Variants in PTPRD observed in about 807,000 individuals in gnomAD.
PTPRD encodes receptor-type tyrosine-protein phosphatase delta.
A neutral mutation model predicts 214.5 loss-of-function variants in PTPRD; 34 were observed. That is an observed-to-expected ratio of 0.16 (90% CI 0.12 to 0.21). PTPRD has a LOEUF of 0.21. Among genes scored for constraint, PTPRD ranks in the 10% least tolerant of loss-of-function variants. The pLI, the probability that PTPRD is intolerant of heterozygous loss-of-function variation, is 1.00. For missense variants in PTPRD, 2,545 were observed against 2,398.7 expected (o/e 1.06, Z -1.27); for synonymous variants, 1,128 against 845.7 (o/e 1.33, Z -5.79).
At chr9:9,117,452 C>G (rs759608375) in intron 10 of PTPRD, among the ~76,000 whole-genome samples, 7 of 152,026 alleles carry the variant, frequency 4.6e-5, no homozygotes, top group Non-Finnish European at 7.4e-5. Flanking sequence ...TGGTGATACC[C>G]CACAAGACAC....
intron 9 of PTPRD, among the ~76,000 whole-genome samples, chr9:9,257,156 G>GT (rs993744963): frequency 1.3e-5 from 2 of 151,916 alleles, no homozygotes; most frequent in African/African-American, 2.4e-5. Flanking sequence ...CTCCTCTTTT[G>GT]TGGGGGGTAG....
At chr9:10,568,480 C>A (rs181687433) in intron 2 of PTPRD, among the ~76,000 whole-genome samples, 2 of 152,020 alleles carry the variant, frequency 1.3e-5, no homozygotes, top group Admixed American at 6.6e-5. Context: ...GGGTATATAC[C>A]CAGTAATGGG....
intron 34 of PTPRD, among the ~76,000 whole-genome samples, chr9:8,449,023 T>C (rs906989130): frequency 1.1e-4 from 17 of 152,322 alleles, no homozygotes; most frequent in African/African-American, 4.1e-4. Flanking sequence ...ATGCTTTAGT[T>C]GAAAAAGTCA....
intron 11 of PTPRD, among the ~76,000 whole-genome samples, chr9:8,812,949 G>A (rs1490281209): frequency 2.0e-5 from 3 of 151,998 alleles, no homozygotes; most frequent in African/African-American, 7.2e-5. Flanking sequence ...ATCAAGGGAA[G>A]AAGCAAGACA....
chr9:8,422,209 T>A (rs919872082), intron 35 of PTPRD, among the ~76,000 whole-genome samples: 18 of 80,142 alleles, frequency 2.2e-4, no homozygotes, highest in African/African-American at 7.4e-4. Flanking sequence ...ATTGCAATAA[T>A]AAAATGATGA....
chr9:9,486,150 C>CAAAAAAAAAAAAAAAAAAAAAA (rs71319226), intron 8 of PTPRD, among the ~76,000 whole-genome samples: 1 of 30,164 alleles, frequency 3.3e-5, no homozygotes, highest in Non-Finnish European at 5.3e-5. Flanking sequence ...GACTCTCTCT[C>CAAAAAAAAAAAAAAAAAAAAAA]AAAAAAAAAA....
rs373755531 is a variant in PTPRD, at chr9:8,331,681, C to G, written c.5435G>C (p.Gly1812Ala). 14 of 1,613,402 alleles carry G rather than the reference C, an allele frequency of 8.7e-6. No individual in the cohort carries two copies. The highest frequency in any genetic ancestry group is 1.0e-5 in the Non-Finnish European group (12 of 1,179,836). ...QFQFTDWPEQ[G>A]VPKSGEGFID... ...AAATCCTTCTCCGGACTTTGGCACT[C>G]CTTGCTCTGGCCAGTCAGTGAACTG... Residue 1812 changes from glycine to alanine, a missense_variant, in exon 44 of 46, where the codon GGA becomes GCA. By Grantham distance (60) the Gly-to-Ala change is moderately conservative (BLOSUM62 0). Transcript: ENST00000381196.
At chr9:8,583,757 T>C (rs1462354814) in intron 14 of PTPRD, among the ~76,000 whole-genome samples, 2 of 152,208 alleles carry the variant, frequency 1.3e-5, no homozygotes, top group Non-Finnish European at 2.9e-5. Flanking sequence ...TCAACTGCAA[T>C]GTTTCATGTC....
intron 7 of PTPRD, among the ~76,000 whole-genome samples, chr9:9,605,931 A>T (rs1056840569): frequency 1.3e-5 from 2 of 152,054 alleles, no homozygotes; most frequent in Non-Finnish European, 2.9e-5. Flanking sequence ...CTGCTGCTTG[A>T]CTATTTTGCA....
chr9:9,318,475 C>T (rs1964612996), intron 9 of PTPRD, among the ~76,000 whole-genome samples: 1 of 152,014 alleles, frequency 6.6e-6, no homozygotes, highest in Non-Finnish European at 1.5e-5. Flanking sequence ...GTTTCTTCTT[C>T]TCACCTCCAA....
chr9:9,099,223 G>A (rs1476715041), intron 10 of PTPRD, among the ~76,000 whole-genome samples: 1 of 152,166 alleles, frequency 6.6e-6, no homozygotes, highest in African/African-American at 2.4e-5. Context: ...AGCAATCCAC[G>A]TAGATTAAAA....
At chr9:8,499,230 G>A (rs2097343235) in intron 25 of PTPRD, among the ~76,000 whole-genome samples, 2 of 152,158 alleles carry the variant, frequency 1.3e-5, no homozygotes, top group African/African-American at 4.8e-5. Context: ...TTCAGTGGAA[G>A]AAGACACACA....
intron 4 of PTPRD, among the ~76,000 whole-genome samples, chr9:9,977,004 T>A (rs1329084967): frequency 2.0e-5 from 3 of 152,220 alleles, no homozygotes; most frequent in Non-Finnish European, 4.4e-5. Flanking sequence ...TTTTTGCAGA[T>A]ATATTTTAAC....
intron 3 of PTPRD, among the ~76,000 whole-genome samples, chr9:10,075,817 G>C (rs1026974783): frequency 6.6e-6 from 1 of 151,874 alleles, no homozygotes; most frequent in Non-Finnish European, 1.5e-5. Flanking sequence ...AAATAACCAA[G>C]GGCTGAGGTT....
At chr9:8,797,499 C>A (rs995676072) in intron 11 of PTPRD, among the ~76,000 whole-genome samples, 2 of 152,174 alleles carry the variant, frequency 1.3e-5, no homozygotes, top group African/African-American at 4.8e-5. Context: ...AGGAAAAGTT[C>A]TTTCTGCACC....
chr9:10,103,083 G>A (rs933630869), intron 3 of PTPRD, among the ~76,000 whole-genome samples: 1 of 151,536 alleles, frequency 6.6e-6, no homozygotes, highest in Non-Finnish European at 1.5e-5. Flanking sequence ...AAGGGATTAC[G>A]AAGAGCTGAG....
intron 8 of PTPRD, among the ~76,000 whole-genome samples, chr9:9,422,315 C>A (rs916302771): frequency 3.9e-5 from 6 of 152,118 alleles, no homozygotes; most frequent in Admixed American, 3.3e-4. Context: ...AGCCATTATA[C>A]TATCATAAAG....
Position 8,484,344 on chromosome 9 carries a change from A to G in PTPRD, c.3188T>C (p.Val1063Ala). The stretch of plus-strand genomic sequence containing the variant: ...TAACTTCTGTGTGGCTCGGCCATCC[A>G]CTTCTTCTACCATTTTCCCATCATC... The part of the protein sequence containing the change: ...LYDDGKMVEE[V>A]DGRATQKLIV... The change falls in exon 30 of 46, where the codon GTG becomes GCG. Residue 1063 changes from valine (V) to alanine (A), a missense_variant. Coordinates refer to ENST00000381196, the MANE Select transcript of PTPRD (RefSeq NM_002839.4). 1 of 1,614,052 alleles carries G rather than the reference A, an allele frequency of 6.2e-7. No homozygotes were observed. The highest frequency in any genetic ancestry group is 8.5e-7 in the Non-Finnish European group (1 of 1,179,980).
intron 5 of PTPRD, among the ~76,000 whole-genome samples, chr9:9,774,071 G>C (rs1343394064): frequency 6.6e-6 from 1 of 152,130 alleles, no homozygotes; most frequent in Non-Finnish European, 1.5e-5. Flanking sequence ...TTGCACTAAG[G>C]TCTGCCTTGT....
Sources: allele counts gnomAD v4.1 joint callset (sites outside exome capture counted in the v4.1 genomes callset), GRCh38; gene constraint gnomAD v4.1.1; transcripts MANE v1.5; gene names NCBI Gene and HGNC (gene_info 2026-07-23, HGNC 2026-07-21).